The following SCLT1 variants were observed in gnomAD, a reference collection of about 807,000 sequenced individuals.
SCLT1 encodes the protein sodium channel-associated protein 1.
SCLT1 carries 78 observed loss-of-function variants against 112.8 expected under a neutral mutation model. The ratio of observed to expected loss-of-function variants is 0.69; its 90% CI spans 0.58 to 0.83. The LOEUF is 0.83. SCLT1 is among the 40% of genes least tolerant of loss of function. The probability of loss-of-function intolerance (pLI) is 0.00; values close to 1 mark genes in which losing one functional copy is unlikely to be tolerated. For synonymous variants in SCLT1, 257 were observed against 254.7 expected, an observed-to-expected ratio of 1.01 and a Z score of -0.09; for missense variants, 747 against 770.4, an observed-to-expected ratio of 0.97 and a Z score of 0.36.
rs115673502 is a variant in SCLT1, at chr4:129,055,324, G to A, written c.103-11273C>T. ...GGGAGGATCCTGCTTGTCAGGATCT[G>A]CTGCACTCTTCAGAGCCATCAGGCA... On this transcript the variant is annotated intron_variant, in intron 2 of 20. Transcript: ENST00000281142. 4.9e-3 allele frequency among the ~76,000 whole-genome samples: 739 copies of A among 152,310 alleles called. 3 individuals carry two copies. The highest frequency in any genetic ancestry group is 0.016 in the African/African-American group (668 of 41,580).
At chr4:128,948,335 CAAAAAAAAA>C (rs11312069) in intron 15 of SCLT1, among the ~76,000 whole-genome samples, 152 bp downstream of exon 15, 1 of 47,962 alleles carries the variant, frequency 2.1e-5, no homozygotes, top group African/African-American at 7.1e-5. Context: ...GACTCCATTG[CAAAAAAAAA>C]AAAAAAAAAA....
chr4:129,043,521 T>C, intron 3 of SCLT1, 54 bp from the exon 4 acceptor site: 1 of 748,054 alleles, frequency 1.3e-6, no homozygotes, highest in Non-Finnish European at 2.2e-6. Context: ...GTTTAATAAA[T>C]ATATAACAAG....
chr4:129,055,919 A>G (rs1239309658), intron 2 of SCLT1, among the ~76,000 whole-genome samples: 2 of 152,194 alleles, frequency 1.3e-5, no homozygotes, highest in Non-Finnish European at 2.9e-5. Context: ...TGAAATTCAA[A>G]GTCCTGGTGG....
intron 6 of SCLT1, among the ~76,000 whole-genome samples, chr4:129,000,890 C>A (rs1467735717): frequency 6.6e-6 from 1 of 151,706 alleles, no homozygotes; most frequent in Non-Finnish European, 1.5e-5. Context: ...CTATACTCTT[C>A]TCCTAAATAA....
rs73847332 is a variant in SCLT1 at position 128,980,794 on chromosome 4, C to A, written c.687-10326G>T. On this transcript the variant is annotated intron_variant, in intron 9 of 20. Transcript: ENST00000281142. ...ATTATATTAAAATGATTTTTTTTTC[C>A]AGGTGTGTTGTTTTGGAAATCAAAC... 3.8e-3 allele frequency among the ~76,000 whole-genome samples: 573 copies of A among 151,496 alleles called. 1 individual carries two copies. The highest frequency in any genetic ancestry group is 0.011 in the African/African-American group (474 of 41,346).
chr4:129,080,145 A>G (rs1751811039), intron 2 of SCLT1, among the ~76,000 whole-genome samples: 1 of 152,196 alleles, frequency 6.6e-6, no homozygotes, highest in African/African-American at 2.4e-5. Context: ...GGTGAACATC[A>G]CCAAAATGCC....
intron 18 of SCLT1, among the ~76,000 whole-genome samples, chr4:128,916,553 T>C (rs1311189376): frequency 1.3e-5 from 2 of 152,202 alleles, no homozygotes; most frequent in Non-Finnish European, 2.9e-5. Flanking sequence ...GCTAAAAGAC[T>C]TGAAGTCTTT....
chr4:129,049,482 G>A (rs1358087338), intron 2 of SCLT1, among the ~76,000 whole-genome samples: 1 of 113,022 alleles, frequency 8.8e-6, no homozygotes, highest in East Asian at 3.1e-4. Context: ...ACTGTTGTGG[G>A]GTGGGGGGAG....
chr4:128,940,920 T>C (rs78404030), intron 17 of SCLT1, among the ~76,000 whole-genome samples: 2,267 of 152,254 alleles, frequency 0.015, 63 homozygotes, highest in African/African-American at 0.052. Flanking sequence ...AGTAAATACG[T>C]ACCATTTAAT....
At chr4:128,968,682 G>T (rs910760810) in intron 10 of SCLT1, among the ~76,000 whole-genome samples, 1 of 151,920 alleles carries the variant, frequency 6.6e-6, no homozygotes. Context: ...CAGTTACTCT[G>T]TTTCGTTCTT....
intron 8 of SCLT1, 136 bp downstream of exon 8, chr4:128,997,738 A>G: frequency 2.1e-6 from 1 of 467,848 alleles, no homozygotes; most frequent in East Asian, 3.7e-5. Context: ...ATGCTATTGA[A>G]TGAGAAAGCA....
intron 18 of SCLT1, among the ~76,000 whole-genome samples, chr4:128,920,793 G>A (rs1735823983): frequency 6.6e-6 from 1 of 152,146 alleles, no homozygotes. Flanking sequence ...ATTCAACATA[G>A]TACTGGAATC....
intron 14 of SCLT1, among the ~76,000 whole-genome samples, chr4:128,949,359 G>A (rs1362800041): frequency 6.6e-6 from 1 of 151,452 alleles, no homozygotes; most frequent in Non-Finnish European, 1.5e-5. Context: ...CCCTCATTCT[G>A]TGCATTTGCA....
chr4:128,958,306 GA>G (rs1277798709), intron 12 of SCLT1, among the ~76,000 whole-genome samples: 4 of 152,118 alleles, frequency 2.6e-5, no homozygotes, highest in Non-Finnish European at 5.9e-5. Context: ...TAATAACCTT[GA>G]GGGGGAGAAG....
chr4:128,963,361 G>T (rs6830023), intron 11 of SCLT1, among the ~76,000 whole-genome samples: 41,160 of 151,988 alleles, frequency 0.27, 5,978 homozygotes, highest in South Asian at 0.35. Flanking sequence ...ACTTTTCTCT[G>T]TCATCTACGG....
chr4:129,019,776 T>TG lies in SCLT1; in HGVS notation c.291-15901dup, dbSNP rs1366338254. Among the ~76,000 whole-genome samples the TG allele has an allele frequency of 4.6e-5, 7 of 152,160 alleles. No homozygotes were observed. In the East Asian group the frequency reaches 9.6e-4, roughly 21 times the overall value. ...TCCTTGGTGAAAATAGCCACACCAC[T>TG]GCCACAGTGCAGCATTTCTTTTTGG... On this transcript the variant is annotated intron_variant, in intron 5 of 20. Coordinates refer to ENST00000281142, the MANE Select transcript of SCLT1 (RefSeq NM_144643.4).
At chr4:128,992,029 C>A in intron 9 of SCLT1, 138 bp downstream of exon 9, 1 of 600,058 alleles carries the variant, frequency 1.7e-6, no homozygotes, top group Non-Finnish European at 2.9e-6. Flanking sequence ...CCTAACAGAT[C>A]ATATACACAA....
intron 18 of SCLT1, among the ~76,000 whole-genome samples, chr4:128,905,143 C>G (rs138467558): frequency 4.7e-4 from 72 of 152,266 alleles, no homozygotes; most frequent in Middle Eastern, 3.4e-3. Flanking sequence ...AAAATGGAAA[C>G]TACTTCTTAT....
chr4:128,917,711 T>C (rs1196665432), intron 18 of SCLT1, among the ~76,000 whole-genome samples: 1 of 152,128 alleles, frequency 6.6e-6, no homozygotes, highest in Non-Finnish European at 1.5e-5. Context: ...ATAGTGAAAA[T>C]GTTCCAAGAC....
Sources: allele counts gnomAD v4.1 joint callset (sites outside exome capture counted in the v4.1 genomes callset), GRCh38; gene constraint gnomAD v4.1.1; transcripts MANE v1.5; gene names NCBI Gene and HGNC (gene_info 2026-07-23, HGNC 2026-07-21).